The following VWC2L variants were observed in gnomAD, a reference collection of about 807,000 sequenced individuals.
The protein encoded by VWC2L is von Willebrand factor C domain-containing protein 2-like.
In VWC2L, 10 loss-of-function variants were observed where a neutral mutation model predicts 21.6. The observed-to-expected ratio is 0.46, with a 90% CI of 0.29 to 0.78. The LOEUF (loss-of-function observed/expected upper bound fraction) is 0.78, where lower values mean the gene tolerates loss of function less well. VWC2L is among the 30% of genes least tolerant of loss of function. The probability of loss-of-function intolerance (pLI) is 0.10; values close to 1 mark genes in which losing one functional copy is unlikely to be tolerated. For synonymous variants in VWC2L, 96 were observed against 94.3 expected (o/e 1.02, Z -0.10); for missense variants, 209 against 277.1 (o/e 0.75, Z 1.74).
At chr2:214,523,229 G>T (rs927092543) in intron 3 of VWC2L, among the ~76,000 whole-genome samples, 1 of 152,154 alleles carries the variant, frequency 6.6e-6, no homozygotes, top group African/African-American at 2.4e-5. Flanking sequence ...TCAATGCAGA[G>T]AACCCTTTGA....
At chr2:214,412,436 T>C (rs1456002404) in intron 1 of VWC2L, among the ~76,000 whole-genome samples, 4 of 152,136 alleles carry the variant, frequency 2.6e-5, no homozygotes, top group African/African-American at 9.6e-5. Context: ...GAAGCTTCTG[T>C]TATGTTTGTT....
intron 3 of VWC2L, among the ~76,000 whole-genome samples, chr2:214,481,384 G>T (rs545262146): frequency 1.3e-5 from 2 of 152,254 alleles, no homozygotes; most frequent in South Asian, 4.1e-4. Context: ...GGAGAAAAAG[G>T]CTCAGCTGAC....
chr2:214,416,218 C>T (rs1702352451), intron 2 of VWC2L, among the ~76,000 whole-genome samples: 2 of 152,000 alleles, frequency 1.3e-5, no homozygotes, highest in African/African-American at 4.8e-5. Context: ...TAACTTAACT[C>T]ACTATTGAAA....
At chr2:214,492,827 A>G (rs1347362382) in intron 3 of VWC2L, among the ~76,000 whole-genome samples, 2 of 152,152 alleles carry the variant, frequency 1.3e-5, no homozygotes, top group African/African-American at 4.8e-5. Flanking sequence ...GCTTACAACA[A>G]AGTGTTATAC....
intron 3 of VWC2L, among the ~76,000 whole-genome samples, chr2:214,456,090 T>C (rs954169999): frequency 2.0e-5 from 3 of 152,168 alleles, no homozygotes; most frequent in Admixed American, 1.3e-4. Flanking sequence ...TTAGTACTGC[T>C]TTTTAGTTTT....
In VWC2L at chr2:214,577,477, T is replaced by A. The variant is rs993547108; in HGVS notation, c.*1657T>A. 1 of 152,146 alleles carries A rather than the reference T, an allele frequency of 6.6e-6. No individual in the cohort carries two copies. The highest frequency in any genetic ancestry group is 2.4e-5 in the African/African-American group (1 of 41,392). 9.4% of individuals were successfully genotyped at this position (152,146 alleles called of 1,614,324 possible). ...GCCTAATGTCCCTAAGGAGTGGGAG[T>A]GAGGGGCCTAATTTCACCTCGTTGA... is the stretch of plus-strand genomic sequence containing the variant. On this transcript the variant is annotated 3_prime_UTR_variant, in exon 4 of 4. Transcript: ENST00000312504.
At chr2:214,539,312 A>C (rs953376218) in intron 3 of VWC2L, among the ~76,000 whole-genome samples, 1 of 152,156 alleles carries the variant, frequency 6.6e-6, no homozygotes, top group Non-Finnish European at 1.5e-5. Context: ...AAGTTTATAA[A>C]ATTACTTTGA....
At position 214,474,155 on chromosome 2, in the gene VWC2L, GA is replaced by G. The variant is rs1015487290; in HGVS notation, c.520+37406del. On this transcript the variant is annotated intron_variant, in intron 3 of 3. Coordinates refer to ENST00000312504, the MANE Select transcript of VWC2L (RefSeq NM_001080500.4). ...TTATTACCATCTGCACTGCAGCATT[GA>G]AAAAAAAAGGAAGAAAATATCTTAC... Among the ~76,000 whole-genome samples, 17 of 150,016 alleles carry G rather than the reference GA, an allele frequency of 1.1e-4. No homozygotes were observed. The South Asian group carries it at 1.3e-3, about 11-fold the overall frequency.
intron 3 of VWC2L, among the ~76,000 whole-genome samples, chr2:214,451,306 T>TGG (rs1236722723): frequency 1.7e-5 from 1 of 57,538 alleles, no homozygotes; most frequent in South Asian, 5.5e-4. Flanking sequence ...AGTGGGTCGG[T>TGG]GTGGGGGGGG....
intron 3 of VWC2L, among the ~76,000 whole-genome samples, chr2:214,498,667 T>C (rs1165523757): frequency 6.7e-6 from 1 of 148,846 alleles, no homozygotes; most frequent in Non-Finnish European, 1.5e-5. Context: ...ATATAATACA[T>C]ATTTTTATAT....
chr2:214,468,253 G>C (rs1480673927), intron 3 of VWC2L, among the ~76,000 whole-genome samples: 1 of 152,156 alleles, frequency 6.6e-6, no homozygotes, highest in Non-Finnish European at 1.5e-5. Flanking sequence ...CTGGCCTCAA[G>C]GGATCTGCCC....
In VWC2L at chr2:214,575,797, T is replaced by A. The variant is rs1355070107; in HGVS notation, c.646T>A (p.Cys216Ser). ...GCCTGCTCAGTGTTCGAAACGTGAA[T>A]GCCAAGGCAAGCAGACTGTGTAGGA... Reference protein sequence around the residue: ...WKPAQCSKRECQGKQTV With the variant: ...WKPAQCSKRESQGKQTV Residue 216 changes from cysteine (C) to serine (S), a missense_variant, in exon 4 of 4, where the codon TGC (cysteine) becomes AGC (serine). Physicochemically the swap from Cys to Ser is moderately radical, Grantham distance 112. Transcript: ENST00000312504. The A allele has an allele frequency of 3.7e-6, 6 of 1,613,270 alleles. No homozygotes were observed.
chr2:214,475,564 A>C (rs1326081179), intron 3 of VWC2L, among the ~76,000 whole-genome samples: 3 of 152,086 alleles, frequency 2.0e-5, no homozygotes, highest in Non-Finnish European at 2.9e-5. Flanking sequence ...TTGGGGAGAG[A>C]TTATGGTGAA....
At chr2:214,502,136 T>C (rs1392910306) in intron 3 of VWC2L, among the ~76,000 whole-genome samples, 1 of 152,230 alleles carries the variant, frequency 6.6e-6, no homozygotes, top group African/African-American at 2.4e-5. Context: ...CTTCAATATT[T>C]TTCATTTTTT....
chr2:214,571,253 G>T (rs1027709602), intron 3 of VWC2L, among the ~76,000 whole-genome samples: 3 of 152,114 alleles, frequency 2.0e-5, no homozygotes, highest in Non-Finnish European at 2.9e-5. Context: ...GCTATTAGAA[G>T]CATCCTCTAT....
intron 3 of VWC2L, 34 bp downstream of exon 3, chr2:214,436,792 G>T: frequency 3.7e-6 from 6 of 1,610,374 alleles, no homozygotes; most frequent in Middle Eastern, 1.7e-4. Context: ...TTGAAGAGGG[G>T]TTCGCACAAA....
intron 3 of VWC2L, among the ~76,000 whole-genome samples, chr2:214,495,964 A>T (rs56253815): frequency 1.3e-4 from 19 of 151,898 alleles, no homozygotes; most frequent in Non-Finnish European, 2.4e-4. Flanking sequence ...TCAAGGATAC[A>T]TTCTAAGAAA....
At chr2:214,449,629 C>T (rs189410992) in intron 3 of VWC2L, among the ~76,000 whole-genome samples, 10 of 152,292 alleles carry the variant, frequency 6.6e-5, no homozygotes, top group East Asian at 3.9e-4. Context: ...GCCCTTGCAG[C>T]GAGACCTCTG....
intron 3 of VWC2L, among the ~76,000 whole-genome samples, chr2:214,482,909 A>G (rs1688627481): frequency 6.6e-6 from 1 of 152,144 alleles, no homozygotes; most frequent in Admixed American, 6.6e-5. Flanking sequence ...GGCGGGGCAG[A>G]AGTGTCAAAA....
Sources: allele counts gnomAD v4.1 joint callset (sites outside exome capture counted in the v4.1 genomes callset), GRCh38; gene constraint gnomAD v4.1.1; transcripts MANE v1.5; gene names NCBI Gene and HGNC (gene_info 2026-07-23, HGNC 2026-07-21).